TMPRSS15: variants seen among roughly 807,000 people sequenced by gnomAD.
TMPRSS15 encodes the protein transmembrane serine protease 15.
TMPRSS15 carries 128 observed loss-of-function variants against 125.3 expected under a neutral mutation model. The observed-to-expected ratio is 1.02, with a 90% confidence interval of 0.89 to 1.18. The LOEUF is 1.18. Ranked by LOEUF, TMPRSS15 falls within the 50% of genes most tolerant of loss-of-function variation. The pLI, the probability that TMPRSS15 is intolerant of heterozygous loss-of-function variation, is 0.00. For missense variants in TMPRSS15, 1,283 were observed against 1,212.7 expected, an observed-to-expected ratio of 1.06 and a Z score of -0.86; for synonymous variants, 446 against 423.2, an observed-to-expected ratio of 1.05 and a Z score of -0.66.
At chr21:18,368,338 A>G (rs1029860185) in intron 6 of TMPRSS15, among the ~76,000 whole-genome samples, 1 of 152,206 alleles carries the variant, frequency 6.6e-6, no homozygotes, top group Non-Finnish European at 1.5e-5. Flanking sequence ...TTCTTTCCTG[A>G]GCACATGACT....
chr21:18,473,262 T>A (rs1978815479), intron 1 of TMPRSS15, among the ~76,000 whole-genome samples: 1 of 152,108 alleles, frequency 6.6e-6, no homozygotes, highest in African/African-American at 2.4e-5. Context: ...GGAAAAATAG[T>A]ATGATTTATT....
intron 21 of TMPRSS15, among the ~76,000 whole-genome samples, chr21:18,291,753 A>G (rs575372642): frequency 3.6e-4 from 2 of 5,510 alleles, no homozygotes; most frequent in East Asian, 3.5e-3. Context: ...GGCATTAGAG[A>G]AAAAAAAAAT....
At chr21:18,464,028 G>T (rs2122954302) in intron 1 of TMPRSS15, among the ~76,000 whole-genome samples, 3 of 151,780 alleles carry the variant, frequency 2.0e-5, no homozygotes, top group Non-Finnish European at 1.5e-5. Context: ...CAAAAAATTA[G>T]CTGGGCATGT....
chr21:18,462,872 C>G (rs2122910948), intron 1 of TMPRSS15, among the ~76,000 whole-genome samples: 81 of 152,020 alleles, frequency 5.3e-4, no homozygotes, highest in Non-Finnish European at 9.9e-4. Context: ...AGCAGAAACT[C>G]TATAAGCCAG....
intron 18 of TMPRSS15, among the ~76,000 whole-genome samples, chr21:18,302,867 TTTAACA>T (rs1355438368): frequency 1.3e-5 from 2 of 152,180 alleles, no homozygotes; most frequent in Non-Finnish European, 2.9e-5. Context: ...CGTGAACCAC[TTTAACA>T]TTATTTCCTT....
rs1356361230 is a variant in TMPRSS15, at chr21:18,305,320, C to T, written c.2166-7491G>A. On this transcript the variant is annotated intron_variant, in intron 18 of 24. Transcript: ENST00000284885. ...TCTCCTGCCTCAGCCTCCCGAGTAG[C>T]TGGGACTACAGGCGCCCGCCACCGC... 2.0e-5 allele frequency among the ~76,000 whole-genome samples: 3 copies of T among 151,374 alleles called. No homozygotes were observed. The East Asian group carries it at 5.9e-4, about 30-fold the overall frequency.
intron 13 of TMPRSS15, among the ~76,000 whole-genome samples, chr21:18,339,156 T>G (rs1463776191): frequency 6.6e-6 from 1 of 152,234 alleles, no homozygotes; most frequent in Non-Finnish European, 1.5e-5. Context: ...GTTTAGCAGA[T>G]GGCAGATATT....
chr21:18,328,198 A>G (rs2075311716), intron 15 of TMPRSS15, among the ~76,000 whole-genome samples: 1 of 152,180 alleles, frequency 6.6e-6, no homozygotes, highest in Non-Finnish European at 1.5e-5. Context: ...ACTCTGTAAT[A>G]GCACAAAAAT....
intron 7 of TMPRSS15, among the ~76,000 whole-genome samples, chr21:18,361,761 G>A (rs1413010704): frequency 6.6e-6 from 1 of 152,106 alleles, no homozygotes; most frequent in Admixed American, 6.6e-5. Flanking sequence ...AGTGGGGTTG[G>A]TGTTAGTGCA....
At position 18,281,055 on chromosome 21, in the gene TMPRSS15, T is replaced by G. The variant is rs759340321; in HGVS notation, c.2653A>C (p.Lys885Gln). The G allele has an allele frequency of 1.1e-5, 18 of 1,613,794 alleles. No individual in the cohort carries two copies. The highest frequency in any genetic ancestry group is 1.5e-5 in the Non-Finnish European group (18 of 1,180,018). ...NDIAMMHLEF[K>Q]VNYTDYIQPI... ...TTTTTTTTACCTGTGTAATTCACTT[T>G]AAATTCCAGATGCATCATGGCAATG... The change falls in exon 22 of 25, where the codon AAA (lysine) becomes CAA (glutamine). Residue 885 changes from lysine to glutamine, a missense_variant. By Grantham distance (53) the Lys-to-Gln change is moderately conservative (BLOSUM62 1). Transcript: ENST00000284885.
chr21:18,467,368 C>T (rs1197916175), intron 1 of TMPRSS15, among the ~76,000 whole-genome samples: 1 of 151,744 alleles, frequency 6.6e-6, no homozygotes, highest in Non-Finnish European at 1.5e-5. Flanking sequence ...AACAAACCTG[C>T]ACGTTCTGCA....
At chr21:18,273,456 T>C (rs1032169314) in intron 24 of TMPRSS15, among the ~76,000 whole-genome samples, 1 of 152,214 alleles carries the variant, frequency 6.6e-6, no homozygotes, top group African/African-American at 2.4e-5. Context: ...TGATAACATT[T>C]TATTATACAA....
At chr21:18,296,449 G>A (rs1159666434) in intron 19 of TMPRSS15, among the ~76,000 whole-genome samples, 2 of 152,202 alleles carry the variant, frequency 1.3e-5, no homozygotes, top group African/African-American at 4.8e-5. Flanking sequence ...TAACTGGCTT[G>A]TTGATGTGAT....
At chr21:18,372,106 G>GTT in intron 6 of TMPRSS15, 87 bp downstream of exon 6, 3 of 1,013,032 alleles carry the variant, frequency 3.0e-6, no homozygotes, top group African/African-American at 3.3e-5. Flanking sequence ...GAATGTGTGT[G>GTT]TGTGTGTGTG....
At chr21:18,321,667 T>G (rs2075239263) in intron 16 of TMPRSS15, among the ~76,000 whole-genome samples, 1 of 152,176 alleles carries the variant, frequency 6.6e-6, no homozygotes, top group Non-Finnish European at 1.5e-5. Flanking sequence ...CGATTTTTGT[T>G]GCCCATTTAT....
intron 3 of TMPRSS15, among the ~76,000 whole-genome samples, chr21:18,387,612 T>TACACACAC (rs57708622): frequency 1.4e-5 from 2 of 145,146 alleles, no homozygotes; most frequent in African/African-American, 5.1e-5. Context: ...CACACACACA[T>TACACACAC]ACACACACAC....
chr21:18,370,709 A>G (rs2075783893), intron 6 of TMPRSS15, among the ~76,000 whole-genome samples: 1 of 152,170 alleles, frequency 6.6e-6, no homozygotes, highest in South Asian at 2.1e-4. Flanking sequence ...ATTTTATCCA[A>G]GAACATTTGC....
intron 18 of TMPRSS15, among the ~76,000 whole-genome samples, chr21:18,304,748 A>G (rs933147956): frequency 3.3e-5 from 5 of 152,172 alleles, no homozygotes; most frequent in African/African-American, 1.2e-4. Flanking sequence ...CTTATTAAAT[A>G]TGTTAATAAA....
intron 1 of TMPRSS15, among the ~76,000 whole-genome samples, chr21:18,420,122 C>T (rs2076189132): frequency 6.6e-6 from 1 of 152,150 alleles, no homozygotes; most frequent in Non-Finnish European, 1.5e-5. Flanking sequence ...CTAGACTAGA[C>T]ATGAAAAATT....
Sources: gnomAD v4.1 joint callset for allele counts (sites outside exome capture counted in the v4.1 genomes callset) on GRCh38, gnomAD v4.1.1 for gene constraint, MANE v1.5 for transcripts, NCBI Gene and HGNC (gene_info 2026-07-23, HGNC 2026-07-21) for gene names.